TBC1D30: variants seen among roughly 807,000 people sequenced by gnomAD.
TBC1D30 encodes TBC1 domain family, member 30.
TBC1D30 carries 31 observed loss-of-function variants against 63.2 expected under a neutral mutation model. That is an observed-to-expected ratio of 0.49 (90% CI 0.37 to 0.66). The LOEUF is 0.66. TBC1D30 is among the 30% of genes least tolerant of loss of function. TBC1D30 has a pLI of 0.00. For missense variants in TBC1D30, 810 were observed against 953.6 expected, an observed-to-expected ratio of 0.85 and a Z score of 1.98; for synonymous variants, 307 against 361.5, an observed-to-expected ratio of 0.85 and a Z score of 1.71.
At chr12:64,826,693 C>G (rs2136358415) in intron 1 of TBC1D30, among the ~76,000 whole-genome samples, 1 of 152,232 alleles carries the variant, frequency 6.6e-6, no homozygotes, top group South Asian at 2.1e-4. Context: ...AAAAACTTAT[C>G]TATCCAGGCA....
At chr12:64,803,180 A>T (rs1180181515) in intron 2 of TBC1D30, among the ~76,000 whole-genome samples, 1 of 152,132 alleles carries the variant, frequency 6.6e-6, no homozygotes, top group Non-Finnish European at 1.5e-5. Flanking sequence ...CTTTTTAATG[A>T]TCGCCATTCT....
chr12:64,862,193 G>A (rs560482859), intron 8 of TBC1D30, among the ~76,000 whole-genome samples: 26 of 152,222 alleles, frequency 1.7e-4, no homozygotes, highest in African/African-American at 6.3e-4. Context: ...GTAAATCTCC[G>A]ACTTACCAAG....
chr12:64,779,776 C>G (rs561942788), upstream of TBC1D30, among the ~76,000 whole-genome samples: 1 of 152,310 alleles, frequency 6.6e-6, no homozygotes, highest in Non-Finnish European at 1.5e-5. Context: ...TTAGCCTCTT[C>G]GTGCCTCAGC....
chr12:64,761,428 T>C (rs1425707925), intron 1 of TBC1D30, among the ~76,000 whole-genome samples: 1 of 152,156 alleles, frequency 6.6e-6, no homozygotes, highest in Non-Finnish European at 1.5e-5. Context: ...CATTCCCAGA[T>C]GGTTATGCAT....
At chr12:64,787,991 G>A (rs371433867) in intron 2 of TBC1D30, among the ~76,000 whole-genome samples, 1 of 151,894 alleles carries the variant, frequency 6.6e-6, no homozygotes. Flanking sequence ...CCAAGATTGC[G>A]CCACTGCACT....
At chr12:64,799,040 C>T (rs1872451711) in intron 2 of TBC1D30, among the ~76,000 whole-genome samples, 1 of 152,022 alleles carries the variant, frequency 6.6e-6, no homozygotes. Context: ...GTCTTGACCT[C>T]TTGACCTCGT....
chr12:64,772,767 T>C (rs1282924535), intron 1 of TBC1D30, among the ~76,000 whole-genome samples: 1 of 151,948 alleles, frequency 6.6e-6, no homozygotes, highest in East Asian at 1.9e-4. Context: ...GTGCCAGGAG[T>C]TTGAGATCAG....
At chr12:64,765,849 T>A (rs75076782) in intron 1 of TBC1D30, among the ~76,000 whole-genome samples, 8,963 of 107,144 alleles carry the variant, frequency 0.084, 1,082 homozygotes, top group African/African-American at 0.29. Flanking sequence ...AAAAAAAAAA[T>A]ACAATACACA....
intron 1 of TBC1D30, among the ~76,000 whole-genome samples, chr12:64,769,533 C>T (rs369214425): frequency 4.1e-5 from 6 of 146,398 alleles, no homozygotes; most frequent in East Asian, 3.9e-4. Context: ...CATGCCACCA[C>T]GCTGGGCTAT....
intron 2 of TBC1D30, among the ~76,000 whole-genome samples, chr12:64,819,437 A>G (rs1873756345): frequency 8.6e-6 from 1 of 115,702 alleles, no homozygotes; most frequent in Non-Finnish European, 1.7e-5. Flanking sequence ...TTTTTTTGAA[A>G]TGGAGTCTCG....
intron 1 of TBC1D30, among the ~76,000 whole-genome samples, chr12:64,762,932 A>G (rs1565632166): frequency 6.6e-6 from 1 of 152,186 alleles, no homozygotes; most frequent in South Asian, 2.1e-4. Context: ...ACTCTATCAA[A>G]TATCCTCTTA....
chr12:64,836,583 C>A lies in TBC1D30; in HGVS notation c.688C>A (p.Leu230Ile). ...LSVDMAVFRD[L>I]LRMKLPELSQ... ...TGTGGATATGGCTGTCTTCAGAGAC[C>A]TTTTAAGAATGAAGCTGCCGGAATT... Residue 230 changes from leucine to isoleucine, a missense_variant, in exon 6 of 12, where the codon CTT (leucine) becomes ATT (isoleucine). Physicochemically the swap from Leu to Ile is conservative, Grantham distance 5. Transcript: ENST00000539867. 1 of 1,535,868 alleles carries A rather than the reference C, an allele frequency of 6.5e-7. No homozygotes were observed.
chr12:64,810,598 G>A (rs571993178), intron 2 of TBC1D30, among the ~76,000 whole-genome samples: 6 of 151,828 alleles, frequency 4.0e-5, no homozygotes, highest in African/African-American at 7.3e-5. Flanking sequence ...GCGAGACTCC[G>A]TCTCAAAAAA....
At chr12:64,811,945 G>C (rs1873243278) in intron 2 of TBC1D30, among the ~76,000 whole-genome samples, 1 of 152,222 alleles carries the variant, frequency 6.6e-6, no homozygotes, top group Admixed American at 6.5e-5. Flanking sequence ...TGACTTAGTA[G>C]ATAGAGTATG....
In TBC1D30 at chr12:64,875,183, C is replaced by T. The variant is rs751666776; in HGVS notation, c.1681C>T (p.Leu561Phe). The change falls in exon 12 of 12, where the codon CTC becomes TTC. Residue 561 changes from leucine (L) to phenylalanine (F), a missense_variant. Leu to Phe is a conservative substitution (Grantham distance 22). Coordinates refer to ENST00000539867, the MANE Select transcript of TBC1D30 (RefSeq NM_015279.2). ...CCCCTACGAAGACCTTAAGACGAAGCTCAACTCCCCGTGGCGAACTCACAT... is the reference window on the plus strand; with the variant it reads ...CCCCTACGAAGACCTTAAGACGAAGTTCAACTCCCCGTGGCGAACTCACAT... ...PVPYEDLKTK[L>F]NSPWRTHIRV... The T allele has an allele frequency of 2.6e-6, 4 of 1,536,240 alleles. No homozygotes were observed. The highest frequency in any genetic ancestry group is 3.5e-6 in the Non-Finnish European group (4 of 1,146,920).
chr12:64,855,825 C>T (rs1053901303), intron 8 of TBC1D30, among the ~76,000 whole-genome samples: 3 of 152,118 alleles, frequency 2.0e-5, no homozygotes, highest in African/African-American at 4.8e-5. Context: ...TTGGTGAGGT[C>T]ATGTTTTCCT....
chr12:64,856,742 T>G (rs2136438819), intron 8 of TBC1D30, among the ~76,000 whole-genome samples: 1 of 152,130 alleles, frequency 6.6e-6, no homozygotes, highest in East Asian at 1.9e-4. Flanking sequence ...GGATTGGAGT[T>G]AAAAACCTTA....
intron 6 of TBC1D30, 151 bp from the exon 7 acceptor site, chr12:64,838,532 A>G: frequency 1.3e-6 from 1 of 776,128 alleles, no homozygotes; most frequent in Non-Finnish European, 2.0e-6. Context: ...GAAACATGGC[A>G]GAAAAAAGAA....
intron 2 of TBC1D30, among the ~76,000 whole-genome samples, chr12:64,789,729 G>T (rs768412948): frequency 4.2e-4 from 64 of 152,038 alleles, no homozygotes; most frequent in Non-Finnish European, 5.9e-5. Context: ...TTAAAACTGG[G>T]CTGGGAATAA....
Sources: gnomAD v4.1 joint callset for allele counts (sites outside exome capture counted in the v4.1 genomes callset) on GRCh38, gnomAD v4.1.1 for gene constraint, MANE v1.5 for transcripts, NCBI Gene and HGNC (gene_info 2026-07-23, HGNC 2026-07-21) for gene names.